STK38L: variants seen among roughly 807,000 people sequenced by gnomAD.
STK38L encodes serine/threonine-protein kinase 38-like.
In STK38L, 28 loss-of-function variants were observed where a neutral mutation model predicts 59.7. The observed-to-expected ratio is 0.47, with a 90% CI of 0.35 to 0.64. The LOEUF (loss-of-function observed/expected upper bound fraction) is 0.64. Ranked by LOEUF, STK38L falls within the 30% of genes least tolerant of loss-of-function variation. STK38L has a pLI of 0.01. For missense variants in STK38L, 314 were observed against 555.8 expected, an observed-to-expected ratio of 0.56 and a Z score of 4.37; for synonymous variants, 162 against 176.8, an observed-to-expected ratio of 0.92 and a Z score of 0.66.
In STK38L at chr12:27,281,256, T is replaced by C. The variant is rs1418324234; in HGVS notation, c.-11-16454T>C. Among the ~76,000 whole-genome samples, 2 of 29,482 alleles carry C rather than the reference T, an allele frequency of 6.8e-5. 1 individual carries two copies. 19.3% of individuals were successfully genotyped at this position (29,482 alleles called of 152,430 possible). Reference sequence around the variant, plus strand: ...GCGCGCCACTACGCCCGGCTAATTTTTTGTATTTTTAGTAGAGACGGGGTT... The same window carrying C: ...GCGCGCCACTACGCCCGGCTAATTTCTTGTATTTTTAGTAGAGACGGGGTT... On this transcript the variant is annotated intron_variant, in intron 1 of 13. Coordinates refer to ENST00000389032, the MANE Select transcript of STK38L (RefSeq NM_015000.4).
At position 27,317,202 on chromosome 12, in the gene STK38L, A is replaced by T. The variant is rs1023329101; in HGVS notation, c.838-134A>T. 7 of 657,820 alleles carry T rather than the reference A, an allele frequency of 1.1e-5. No homozygotes were observed. In the African/African-American group the frequency reaches 1.1e-4, roughly 10 times the overall value. 40.7% of individuals were successfully genotyped at this position (657,820 alleles called of 1,614,324 possible). On this transcript the variant is annotated intron_variant, in intron 9 of 13. Coordinates refer to ENST00000389032, the MANE Select transcript of STK38L (RefSeq NM_015000.4). ...CACTACCTACCACTAAGCCTTGCAC[A>T]TGATAAACATGCAAAATAAATACAA...
chr12:27,247,213 ATTT>A (rs1294700658), intron 1 of STK38L, among the ~76,000 whole-genome samples: 2 of 152,272 alleles, frequency 1.3e-5, no homozygotes, highest in Middle Eastern at 3.4e-3. Flanking sequence ...TGGAGTAGGT[ATTT>A]TTATTATTCC....
chr12:27,287,792 G>A (rs1192190568), intron 1 of STK38L, among the ~76,000 whole-genome samples: 1 of 152,042 alleles, frequency 6.6e-6, no homozygotes, highest in East Asian at 1.9e-4. Context: ...AGTTGTTCCA[G>A]TACTATTAAT....
intron 1 of STK38L, among the ~76,000 whole-genome samples, chr12:27,256,977 T>C (rs1212705288): frequency 6.6e-6 from 1 of 152,246 alleles, no homozygotes; most frequent in Non-Finnish European, 1.5e-5. Context: ...AGAAGCTGGA[T>C]ATGGATTGTC....
chr12:27,249,613 C>T (rs1418182875), intron 1 of STK38L, among the ~76,000 whole-genome samples: 5 of 152,242 alleles, frequency 3.3e-5, no homozygotes, highest in Admixed American at 3.3e-4. Flanking sequence ...GCTGGGATTA[C>T]AGGCGTGAGC....
intron 1 of STK38L, among the ~76,000 whole-genome samples, chr12:27,268,367 T>C (rs1943346126): frequency 6.6e-6 from 1 of 150,604 alleles, no homozygotes; most frequent in African/African-American, 2.4e-5. Context: ...GAACATGTGG[T>C]GTTTGGTTTT....
chr12:27,269,916 T>C (rs1943384287), intron 1 of STK38L, among the ~76,000 whole-genome samples: 1 of 152,238 alleles, frequency 6.6e-6, no homozygotes, highest in Non-Finnish European at 1.5e-5. Context: ...GTGTTGAGAT[T>C]ACAGGCATGA....
chr12:27,262,923 C>T (rs188731907), intron 1 of STK38L, among the ~76,000 whole-genome samples: 6 of 151,910 alleles, frequency 3.9e-5, no homozygotes, highest in Middle Eastern at 3.4e-3. Flanking sequence ...CTCAGCTTCC[C>T]GAGTAGCTGG....
intron 1 of STK38L, among the ~76,000 whole-genome samples, chr12:27,257,850 T>C (rs975577314): frequency 1.3e-5 from 2 of 151,262 alleles, no homozygotes; most frequent in African/African-American, 4.9e-5. Context: ...TTTCACACTT[T>C]AATTTATGTC....
intron 6 of STK38L, 102 bp from the exon 7 acceptor site, chr12:27,314,402 A>C: frequency 2.7e-5 from 4 of 146,058 alleles, no homozygotes; most frequent in South Asian, 2.5e-4. Context: ...CTCTGTCTCC[A>C]AAAAAAAAAA....
At chr12:27,313,913 T>TGACATTTTCCTCAGCAGTTA (rs1944521026) in intron 6 of STK38L, among the ~76,000 whole-genome samples, 1 of 152,208 alleles carries the variant, frequency 6.6e-6, no homozygotes, top group South Asian at 2.1e-4. Flanking sequence ...TTTTGCAGTT[T>TGACATTTTCCTCAGCAGTTA]GACATTTTCC....
chr12:27,260,676 A>G (rs1943187168), intron 1 of STK38L, among the ~76,000 whole-genome samples: 1 of 151,890 alleles, frequency 6.6e-6, no homozygotes, highest in Admixed American at 6.6e-5. Flanking sequence ...ATTCTTTTTC[A>G]TCTCATTCAA....
intron 1 of STK38L, among the ~76,000 whole-genome samples, chr12:27,246,294 C>T (rs1475620035): frequency 6.6e-6 from 1 of 151,164 alleles, no homozygotes; most frequent in African/African-American, 2.4e-5. Flanking sequence ...TAGAAAGTGC[C>T]TCCCCAGTGA....
At chr12:27,246,767 C>T (rs923184481) in intron 1 of STK38L, among the ~76,000 whole-genome samples, 1 of 152,058 alleles carries the variant, frequency 6.6e-6, no homozygotes, top group African/African-American at 2.4e-5. Context: ...TTGCATAAGC[C>T]TTCTGTCTCC....
chr12:27,323,247 G>T lies in STK38L; in HGVS notation c.*792G>T, dbSNP rs1403023894. On this transcript the variant is annotated 3_prime_UTR_variant, in exon 14 of 14. Transcript: ENST00000389032. ...TAAAGTTGATTTTCTTGTGACAAGA[G>T]AACTTCTTTTTTTAACAAGAGGACA... The T allele has an allele frequency of 6.6e-6, 1 of 152,140 alleles. No homozygotes were observed. Among genetic ancestry groups the T allele is most frequent in the Non-Finnish European group, 1.5e-5 (1 of 67,996 alleles). 9.4% of individuals were successfully genotyped at this position (152,140 alleles called of 1,614,324 possible).
intron 1 of STK38L, among the ~76,000 whole-genome samples, chr12:27,281,105 A>T (rs1943649075): frequency 0.03 from 2 of 66 alleles, no homozygotes; most frequent in Non-Finnish European, 0.036. Flanking sequence ...TTTTTTTTTG[A>T]GACGGAGTCT....
intron 3 of STK38L, 44 bp downstream of exon 3, chr12:27,302,232 G>T: frequency 7.0e-7 from 1 of 1,422,098 alleles, no homozygotes; most frequent in South Asian, 1.4e-5. Context: ...CACCCCCAGT[G>T]ACTTTTCATT....
intron 1 of STK38L, among the ~76,000 whole-genome samples, chr12:27,253,231 T>G (rs188860725): frequency 6.6e-6 from 1 of 152,344 alleles, no homozygotes; most frequent in African/African-American, 2.4e-5. Flanking sequence ...AGAGAATTGA[T>G]GTTTTCCAGC....
chr12:27,254,756 G>A (rs1365621530), intron 1 of STK38L, among the ~76,000 whole-genome samples: 1 of 152,178 alleles, frequency 6.6e-6, no homozygotes, highest in Admixed American at 6.5e-5. Flanking sequence ...GAAAGGAACA[G>A]AAGGAGGAAA....
Sources: allele counts gnomAD v4.1 joint callset (sites outside exome capture counted in the v4.1 genomes callset), GRCh38; gene constraint gnomAD v4.1.1; transcripts MANE v1.5; gene names NCBI Gene and HGNC (gene_info 2026-07-23, HGNC 2026-07-21).